KIAA0825: variants seen among roughly 807,000 people sequenced by gnomAD.
KIAA0825 encodes KIAA0825.
Under a neutral mutation model 147.6 loss-of-function variants are expected in KIAA0825, and 119 were observed. The ratio of observed to expected loss-of-function variants is 0.81; its 90% CI spans 0.69 to 0.94. The LOEUF (loss-of-function observed/expected upper bound fraction) is 0.94. KIAA0825 is among the 40% of genes least tolerant of loss of function. The probability of loss-of-function intolerance (pLI) is 0.00; values close to 1 mark genes in which losing one functional copy is unlikely to be tolerated. For missense variants in KIAA0825, 1,381 were observed against 1,472.7 expected (o/e 0.94, Z 1.02); for synonymous variants, 470 against 518.1 (o/e 0.91, Z 1.26).
At chr5:94,242,602 T>C (rs140071543) in intron 20 of KIAA0825, among the ~76,000 whole-genome samples, 237 of 151,422 alleles carry the variant, frequency 1.6e-3, no homozygotes, top group African/African-American at 5.3e-3. Context: ...TTCTTTCCTT[T>C]CTTCCTTCCT....
chr5:94,449,754 A>C (rs543012291), intron 13 of KIAA0825, among the ~76,000 whole-genome samples: 1 of 152,326 alleles, frequency 6.6e-6, no homozygotes, highest in Non-Finnish European at 1.5e-5. Flanking sequence ...GAGAAATCAA[A>C]GAAAATAGAT....
intron 3 of KIAA0825, among the ~76,000 whole-genome samples, chr5:94,533,492 G>C (rs1377951042): frequency 6.6e-6 from 1 of 151,084 alleles, no homozygotes; most frequent in Non-Finnish European, 1.5e-5. Flanking sequence ...GGCCAGGCTG[G>C]TCTCGAACTC....
intron 13 of KIAA0825, among the ~76,000 whole-genome samples, chr5:94,449,604 C>T (rs928223523): frequency 1.3e-5 from 2 of 151,964 alleles, no homozygotes; most frequent in African/African-American, 2.4e-5. Flanking sequence ...TTGAAGACAT[C>T]GTATTGAATG....
intron 20 of KIAA0825, among the ~76,000 whole-genome samples, chr5:94,252,157 A>G (rs1775995589): frequency 6.6e-6 from 1 of 152,004 alleles, no homozygotes; most frequent in Non-Finnish European, 1.5e-5. Flanking sequence ...ACACACTTTC[A>G]CTACACTCTT....
chr5:94,338,431 G>C (rs1300707514), intron 20 of KIAA0825, among the ~76,000 whole-genome samples: 1 of 152,268 alleles, frequency 6.6e-6, no homozygotes, highest in Non-Finnish European at 1.5e-5. Flanking sequence ...TACTTTATGT[G>C]TGTATGTGTG....
intron 20 of KIAA0825, among the ~76,000 whole-genome samples, chr5:94,157,942 A>T (rs1767186189): frequency 6.6e-6 from 1 of 152,178 alleles, no homozygotes; most frequent in Non-Finnish European, 1.5e-5. Flanking sequence ...AGGAGCAGCC[A>T]ACACCAGACA....
intron 17 of KIAA0825, among the ~76,000 whole-genome samples, chr5:94,394,482 T>C (rs1326610722): frequency 1.3e-5 from 2 of 152,160 alleles, no homozygotes; most frequent in East Asian, 1.9e-4. Context: ...ACTCCCCGTA[T>C]AGGAGATACC....
At chr5:94,325,239 A>G (rs1294656404) in intron 20 of KIAA0825, among the ~76,000 whole-genome samples, 1 of 152,014 alleles carries the variant, frequency 6.6e-6, no homozygotes, top group South Asian at 2.1e-4. Flanking sequence ...TGGTATACTC[A>G]AATGTAATAG....
At chr5:94,550,620 ATC>A (rs1775333086) in intron 2 of KIAA0825, among the ~76,000 whole-genome samples, 1 of 152,202 alleles carries the variant, frequency 6.6e-6, no homozygotes. Flanking sequence ...AGGCAGGCGG[ATC>A]ACGAGGTCAG....
At chr5:94,223,814 T>C (rs975900750) in intron 20 of KIAA0825, among the ~76,000 whole-genome samples, 2 of 152,174 alleles carry the variant, frequency 1.3e-5, no homozygotes, top group African/African-American at 2.4e-5. Context: ...TGTAGAAATA[T>C]GAATGTTTTC....
intron 15 of KIAA0825, among the ~76,000 whole-genome samples, chr5:94,411,074 TA>T (rs1752703373): frequency 6.6e-6 from 1 of 152,072 alleles, no homozygotes; most frequent in African/African-American, 2.4e-5. Flanking sequence ...GAATAAAGGA[TA>T]GGGAGGAAGT....
At chr5:94,552,386 T>C (rs111348790) in intron 2 of KIAA0825, among the ~76,000 whole-genome samples, 41 of 152,252 alleles carry the variant, frequency 2.7e-4, no homozygotes, top group Admixed American at 8.5e-4. Context: ...CAAAGAAACA[T>C]TGGATTTAAA....
At chr5:94,404,738 A>T (rs924163535) in intron 15 of KIAA0825, among the ~76,000 whole-genome samples, 6 of 152,174 alleles carry the variant, frequency 3.9e-5, no homozygotes, top group Admixed American at 3.9e-4. Context: ...TCCATTTTTC[A>T]TATTAAATTA....
chr5:94,384,479 A>T (rs1238174297), intron 19 of KIAA0825, 21 bp from the exon 20 acceptor site: 14 of 1,527,612 alleles, frequency 9.2e-6, no homozygotes, highest in African/African-American at 2.8e-5. Flanking sequence ...ATAAATGAGA[A>T]GACACTATTG....
chr5:94,540,113 G>A (rs1772992216), intron 2 of KIAA0825, among the ~76,000 whole-genome samples: 1 of 152,156 alleles, frequency 6.6e-6, no homozygotes, highest in African/African-American at 2.4e-5. Flanking sequence ...CCCCGCCTGA[G>A]GCAATGCTTT....
At position 94,318,172 on chromosome 5, in the gene KIAA0825, T is replaced by C. The variant is rs1779827036; in HGVS notation, c.3710+66196A>G. On this transcript the variant is annotated intron_variant, in intron 20 of 20. Coordinates refer to ENST00000682413, the MANE Select transcript of KIAA0825 (RefSeq NM_001145678.3). The stretch of plus-strand genomic sequence containing the variant: ...ACAATTTAAAAGCAATATAGAATAG[T>C]TTATTTCAGTGTAAAATGTCTAGTT... Among the ~76,000 whole-genome samples, 3 of 151,742 alleles carry C rather than the reference T, an allele frequency of 2.0e-5. No homozygotes were observed. The South Asian group carries it at 6.2e-4, about 31-fold the overall frequency.
At chr5:94,237,558 C>A (rs1046981030) in intron 20 of KIAA0825, among the ~76,000 whole-genome samples, 1 of 152,150 alleles carries the variant, frequency 6.6e-6, no homozygotes, top group Admixed American at 6.5e-5. Flanking sequence ...ACACCCCTGG[C>A]ATTTTCTCTC....
At chr5:94,237,101 T>G (rs2150096969) in intron 20 of KIAA0825, among the ~76,000 whole-genome samples, 1 of 152,048 alleles carries the variant, frequency 6.6e-6, no homozygotes, top group Admixed American at 6.6e-5. Flanking sequence ...GTTCTCTATA[T>G]GTATAGGCGA....
chr5:94,593,383 C>A, intron 1 of KIAA0825: 2 of 1,004,958 alleles, frequency 2.0e-6, no homozygotes, highest in Non-Finnish European at 3.1e-6. Flanking sequence ...TTTAATATCA[C>A]GACATTTTCA....
Sources: gnomAD v4.1 joint callset for allele counts (sites outside exome capture counted in the v4.1 genomes callset) on GRCh38, gnomAD v4.1.1 for gene constraint, MANE v1.5 for transcripts, NCBI Gene and HGNC (gene_info 2026-07-23, HGNC 2026-07-21) for gene names.